Variants in AOPEP observed in about 807,000 individuals in gnomAD.
AOPEP encodes aminopeptidase O (putative), also known as aminopeptidase O.
A neutral mutation model predicts 98.1 loss-of-function variants in AOPEP; 77 were observed. The ratio of observed to expected loss-of-function variants is 0.78; its 90% CI spans 0.65 to 0.95. The LOEUF is 0.95. Among genes scored for constraint, AOPEP ranks in the 40% least tolerant of loss-of-function variants. The pLI is 0.00. For missense variants in AOPEP, 1,024 were observed against 1,024.7 expected (o/e 1.00, Z 0.01); for synonymous variants, 346 against 365.3 (o/e 0.95, Z 0.60).
intron 2 of AOPEP, among the ~76,000 whole-genome samples, chr9:94,771,744 A>C (rs1840936832): frequency 6.7e-6 from 1 of 149,712 alleles, no homozygotes; most frequent in Admixed American, 6.7e-5. Flanking sequence ...CCCCCTGGAC[A>C]GTCCCCACTG....
intron 2 of AOPEP, among the ~76,000 whole-genome samples, chr9:94,767,324 T>C (rs10993341): frequency 0.089 from 13,501 of 152,276 alleles, 719 homozygotes; most frequent in African/African-American, 0.13. Flanking sequence ...AGAATCCCAG[T>C]TGAGTCACCA....
At chr9:95,025,830 TC>T (rs2063793339) in intron 13 of AOPEP, among the ~76,000 whole-genome samples, 1 of 152,280 alleles carries the variant, frequency 6.6e-6, no homozygotes, top group Non-Finnish European at 1.5e-5. Context: ...AGTCGTGTGT[TC>T]CTAGGGCAGT....
the AOPEP span, among the ~76,000 whole-genome samples, chr9:95,094,542 G>C: frequency 6.6e-6 from 1 of 152,212 alleles, no homozygotes; most frequent in Non-Finnish European, 1.5e-5. Context: ...TTTGAGGCTT[G>C]CCTGTTTTAG....
rs182735689 is a variant in AOPEP at position 94,990,664 on chromosome 9, G to A, written c.1977+11237G>A. 7.3e-5 allele frequency among the ~76,000 whole-genome samples: 11 copies of A among 151,588 alleles called. No individual in the cohort carries two copies. The East Asian group carries it at 1.6e-3, about 21-fold the overall frequency. On this transcript the variant is annotated intron_variant, in intron 11 of 16. Transcript: ENST00000375315. ...ATTTCTGAGGTGGAGTTTCACTGTC[G>A]CCCAGGCTGGAGTGCACTGGCGTGA...
intron 5 of AOPEP, among the ~76,000 whole-genome samples, chr9:94,839,340 G>A (rs774206088): frequency 7.9e-5 from 12 of 151,840 alleles, no homozygotes; most frequent in Admixed American, 3.3e-4. Context: ...CGCCCACCTC[G>A]GCCTCCCAAA....
chr9:94,750,165 G>A (rs758950908), intron 1 of AOPEP, among the ~76,000 whole-genome samples: 2 of 152,182 alleles, frequency 1.3e-5, no homozygotes, highest in Non-Finnish European at 2.9e-5. Context: ...AGGGAATTGG[G>A]CAGAGTTTAT....
intron 2 of AOPEP, among the ~76,000 whole-genome samples, chr9:94,768,428 G>C (rs1234015273): frequency 6.6e-6 from 1 of 152,206 alleles, no homozygotes; most frequent in Non-Finnish European, 1.5e-5. Flanking sequence ...AAAATATATG[G>C]TTTTAAGCAA....
At chr9:94,946,041 C>G (rs1479121898) in intron 7 of AOPEP, among the ~76,000 whole-genome samples, 2 of 152,136 alleles carry the variant, frequency 1.3e-5, no homozygotes, top group African/African-American at 4.8e-5. Context: ...TACCCCGCCC[C>G]AAACAGAACA....
chr9:94,731,468 C>T (rs370862022), intron 1 of AOPEP, among the ~76,000 whole-genome samples: 16 of 152,102 alleles, frequency 1.1e-4, no homozygotes, highest in East Asian at 7.7e-4. Context: ...CCCCGTGATC[C>T]GCCTGCCTCA....
intron 5 of AOPEP, among the ~76,000 whole-genome samples, chr9:94,877,543 C>T (rs927909605): frequency 1.3e-5 from 2 of 151,398 alleles, no homozygotes; most frequent in African/African-American, 4.9e-5. Context: ...GCCCCAGGCT[C>T]TGGAGTAACT....
chr9:94,733,470 TTATGTAG>T (rs1831036758), intron 1 of AOPEP, among the ~76,000 whole-genome samples: 1 of 152,190 alleles, frequency 6.6e-6, no homozygotes. Flanking sequence ...AATTGTAATG[TTATGTAG>T]TATTTGCACC....
At chr9:95,140,403 G>A in the AOPEP span, among the ~76,000 whole-genome samples, 1 of 152,110 alleles carries the variant, frequency 6.6e-6, no homozygotes, top group Non-Finnish European at 1.5e-5. Context: ...TTTACAAAAA[G>A]AGGTAGCAGG....
intron 13 of AOPEP, among the ~76,000 whole-genome samples, chr9:95,007,900 C>G (rs892954938): frequency 1.3e-5 from 2 of 152,184 alleles, no homozygotes; most frequent in South Asian, 2.1e-4. Context: ...AGGATTTGAA[C>G]CTGTTATTAG....
the AOPEP span, among the ~76,000 whole-genome samples, chr9:95,119,003 G>GT: frequency 6.6e-6 from 1 of 152,172 alleles, no homozygotes; most frequent in Non-Finnish European, 1.5e-5. Context: ...TTCCGGTGTT[G>GT]TACCATCTTA....
intron 1 of AOPEP, among the ~76,000 whole-genome samples, chr9:94,730,995 A>G (rs1334757446): frequency 1.3e-5 from 2 of 152,208 alleles, no homozygotes; most frequent in African/African-American, 4.8e-5. Context: ...TGAGTAGGTC[A>G]TTTTGAGAGT....
chr9:94,984,304 C>T (rs1170255999), intron 11 of AOPEP, among the ~76,000 whole-genome samples: 1 of 152,194 alleles, frequency 6.6e-6, no homozygotes, highest in Admixed American at 6.5e-5. Flanking sequence ...GCTGGGATTA[C>T]AGGCCTGAGC....
intron 5 of AOPEP, among the ~76,000 whole-genome samples, chr9:94,862,480 C>T (rs768646264): frequency 6.6e-6 from 1 of 152,204 alleles, no homozygotes; most frequent in Non-Finnish European, 1.5e-5. Context: ...AGAGGCCACA[C>T]GTCTGGTTGA....
At chr9:94,995,887 T>C (rs1037046157) in intron 11 of AOPEP, among the ~76,000 whole-genome samples, 1 of 152,204 alleles carries the variant, frequency 6.6e-6, no homozygotes. Flanking sequence ...AGCTGTGTTA[T>C]GTACAGAATG....
intron 5 of AOPEP, among the ~76,000 whole-genome samples, chr9:94,861,386 A>G (rs1348098932): frequency 1.3e-5 from 2 of 152,228 alleles, no homozygotes; most frequent in Non-Finnish European, 2.9e-5. Context: ...AGATGAAGAG[A>G]GAAACATATA....
Sources: gnomAD v4.1 joint callset for allele counts (sites outside exome capture counted in the v4.1 genomes callset) on GRCh38, gnomAD v4.1.1 for gene constraint, MANE v1.5 for transcripts, NCBI Gene and HGNC (gene_info 2026-07-23, HGNC 2026-07-21) for gene names.